Variants in SLC25A48 observed in about 807,000 individuals in gnomAD.
SLC25A48 encodes the protein CTC-321K16.1.
A neutral mutation model predicts 32.2 loss-of-function variants in SLC25A48; 29 were observed. The ratio of observed to expected loss-of-function variants is 0.90; its 90% confidence interval spans 0.67 to 1.23. SLC25A48 has a LOEUF of 1.23. Ranked by LOEUF, SLC25A48 falls within the 50% of genes most tolerant of loss-of-function variation. SLC25A48 has a pLI of 0.00. For synonymous variants in SLC25A48, 164 were observed against 172.3 expected (o/e 0.95, Z 0.38); for missense variants, 399 against 422.7 (o/e 0.94, Z 0.49).
chr5:135,854,125 G>A lies in SLC25A48; in HGVS notation c.421+1304G>A, dbSNP rs1473677985. On this transcript the variant is annotated intron_variant, in intron 4 of 7. Transcript: ENST00000681962. Reference sequence around the variant, plus strand: ...TCAGGAAACCATGCTGTAAACAGATGTGCTGTCATCCAGGCCTTGTTGTTC... The same window carrying A: ...TCAGGAAACCATGCTGTAAACAGATATGCTGTCATCCAGGCCTTGTTGTTC... Among the ~76,000 whole-genome samples the A allele has an allele frequency of 2.0e-5, 3 of 152,208 alleles. No individual in the cohort carries two copies. The East Asian group carries it at 5.8e-4, about 29-fold the overall frequency.
chr5:135,639,054 T>C (rs534384305), intron 3 of SLC25A48, among the ~76,000 whole-genome samples: 1 of 152,258 alleles, frequency 6.6e-6, no homozygotes, highest in South Asian at 2.1e-4. Context: ...ATTAGTCTCA[T>C]AGCCACGCTG....
At chr5:135,775,304 G>T (rs567273245) in intron 3 of SLC25A48, among the ~76,000 whole-genome samples, 2 of 151,606 alleles carry the variant, frequency 1.3e-5, no homozygotes, top group Admixed American at 6.6e-5. Context: ...TAACATACAG[G>T]GGGGAAGAAG....
chr5:135,601,924 A>T (rs1185696097), intron 1 of SLC25A48, among the ~76,000 whole-genome samples: 4 of 152,202 alleles, frequency 2.6e-5, no homozygotes, highest in African/African-American at 9.7e-5. Context: ...TTTATAAAAC[A>T]TGGTTAACAA....
intron 3 of SLC25A48, among the ~76,000 whole-genome samples, chr5:135,650,968 A>C (rs1048573661): frequency 6.6e-6 from 1 of 152,136 alleles, no homozygotes; most frequent in Non-Finnish European, 1.5e-5. Flanking sequence ...ACACCCCTAC[A>C]TCCATGCCAG....
intron 4 of SLC25A48, among the ~76,000 whole-genome samples, chr5:135,815,714 T>C (rs1012773092): frequency 6.6e-6 from 1 of 152,162 alleles, no homozygotes; most frequent in African/African-American, 2.4e-5. Flanking sequence ...TGGAGCCACA[T>C]TCACCAAGCC....
At chr5:135,638,660 G>T (rs1294509056) in intron 3 of SLC25A48, among the ~76,000 whole-genome samples, 1 of 152,344 alleles carries the variant, frequency 6.6e-6, no homozygotes, top group East Asian at 1.9e-4. Context: ...TGAAGCATTA[G>T]TGGTGTGATT....
intron 3 of SLC25A48, among the ~76,000 whole-genome samples, chr5:135,726,755 A>G (rs1378169138): frequency 6.6e-6 from 1 of 152,240 alleles, no homozygotes; most frequent in East Asian, 1.9e-4. Context: ...TTTGGCTACT[A>G]TGAATAAAGT....
At chr5:135,705,201 G>A (rs1190850914) in intron 3 of SLC25A48, among the ~76,000 whole-genome samples, 1 of 149,784 alleles carries the variant, frequency 6.7e-6, no homozygotes, top group Admixed American at 6.6e-5. Flanking sequence ...ATTCAGGCCT[G>A]CATTTTTGAG....
At chr5:135,785,783 A>G (rs1756828932) in intron 3 of SLC25A48, among the ~76,000 whole-genome samples, 1 of 143,890 alleles carries the variant, frequency 6.9e-6, no homozygotes. Flanking sequence ...ATGGATCGTA[A>G]TATCCAGGGG....
At chr5:135,834,177 C>T (rs1032810471), upstream of SLC25A48, among the ~76,000 whole-genome samples, 1 of 152,210 alleles carries the variant, frequency 6.6e-6, no homozygotes, top group Non-Finnish European at 1.5e-5. Flanking sequence ...AGGTACAGAG[C>T]ACCACCTCTG....
intron 4 of SLC25A48, among the ~76,000 whole-genome samples, chr5:135,829,275 G>A (rs1318811560): frequency 1.3e-5 from 2 of 152,110 alleles, no homozygotes; most frequent in South Asian, 2.1e-4. Flanking sequence ...ACGCAGCAGG[G>A]TCTCCTCCTA....
chr5:135,646,798 GT>G (rs574314599), intron 3 of SLC25A48, among the ~76,000 whole-genome samples: 116 of 151,460 alleles, frequency 7.7e-4, no homozygotes, highest in Middle Eastern at 3.5e-3. Flanking sequence ...AAGTAGAATG[GT>G]GTTTGCCAGT....
chr5:135,744,075 C>T (rs1424293207), intron 3 of SLC25A48, among the ~76,000 whole-genome samples: 1 of 152,164 alleles, frequency 6.6e-6, no homozygotes, highest in Non-Finnish European at 1.5e-5. Flanking sequence ...GAATGTTTAC[C>T]TTATCTTCTG....
At chr5:135,787,047 G>T (rs1193373754) in intron 3 of SLC25A48, among the ~76,000 whole-genome samples, 2 of 151,556 alleles carry the variant, frequency 1.3e-5, no homozygotes, top group Admixed American at 1.3e-4. Flanking sequence ...TGTGACAGTG[G>T]GTGTAACCCA....
chr5:135,768,997 A>T (rs1756325045), intron 3 of SLC25A48, among the ~76,000 whole-genome samples: 1 of 151,706 alleles, frequency 6.6e-6, no homozygotes, highest in Non-Finnish European at 1.5e-5. Context: ...CCAATATTTC[A>T]GGGGGTGTAC....
chr5:135,589,168 T>C (rs1406680957), intron 1 of SLC25A48, among the ~76,000 whole-genome samples: 1 of 152,234 alleles, frequency 6.6e-6, no homozygotes, highest in African/African-American at 2.4e-5. Context: ...ATCCCCACTT[T>C]AAATGCCTAG....
chr5:135,874,287 C>A, intron 6 of SLC25A48, 133 bp downstream of exon 6: 1 of 1,131,186 alleles, frequency 8.8e-7, no homozygotes, highest in Non-Finnish European at 1.2e-6. Flanking sequence ...TCAGGTGCCA[C>A]AAGTGGGTGC....
At chr5:135,823,630 A>G (rs868852028) in intron 4 of SLC25A48, among the ~76,000 whole-genome samples, 13 of 152,364 alleles carry the variant, frequency 8.5e-5, no homozygotes, top group Middle Eastern at 6.8e-3. Context: ...TGTAACTAAC[A>G]GGATGAGAGA....
intron 3 of SLC25A48, chr5:135,746,216 C>T (rs962370207): frequency 1.2e-5 from 2 of 163,236 alleles, no homozygotes; most frequent in South Asian, 1.7e-4. Flanking sequence ...TCCAGGCCTG[C>T]GCCTCTCACT....
Sources: gnomAD v4.1 joint callset for allele counts (sites outside exome capture counted in the v4.1 genomes callset) on GRCh38, gnomAD v4.1.1 for gene constraint, MANE v1.5 for transcripts, NCBI Gene and HGNC (gene_info 2026-07-23, HGNC 2026-07-21) for gene names.